SPOCK3: variants seen among roughly 807,000 people sequenced by gnomAD.
SPOCK3 encodes the protein testican-3.
Under a neutral mutation model 56.6 loss-of-function variants are expected in SPOCK3, and 30 were observed. The observed-to-expected ratio is 0.53, with a 90% CI of 0.40 to 0.72. The LOEUF is 0.72. SPOCK3 is among the 30% of genes least tolerant of loss of function. The probability of loss-of-function intolerance (pLI) is 0.00; values close to 1 mark genes in which losing one functional copy is unlikely to be tolerated. For synonymous variants in SPOCK3, 196 were observed against 183.3 expected, an observed-to-expected ratio of 1.07 and a Z score of -0.56; for missense variants, 527 against 530.0, an observed-to-expected ratio of 0.99 and a Z score of 0.06.
intron 3 of SPOCK3, among the ~76,000 whole-genome samples, chr4:167,044,700 A>G (rs1753558388): frequency 6.6e-6 from 1 of 152,042 alleles, no homozygotes; most frequent in Non-Finnish European, 1.5e-5. Flanking sequence ...ATGTTGCTTA[A>G]TCAACACATA....
At chr4:167,011,099 G>GA (rs371566562) in intron 3 of SPOCK3, 536 of 242,856 alleles carry the variant, frequency 2.2e-3, no homozygotes, top group South Asian at 4.8e-3. Context: ...TGGTGAAACA[G>GA]AAAAAAAAAG....
chr4:167,043,180 A>G (rs1753386984), intron 3 of SPOCK3, among the ~76,000 whole-genome samples: 1 of 151,986 alleles, frequency 6.6e-6, no homozygotes, highest in Non-Finnish European at 1.5e-5. Context: ...CTTTTCTTAT[A>G]GAAAGCTTGT....
intron 6 of SPOCK3, among the ~76,000 whole-genome samples, chr4:166,885,930 T>C (rs942162272): frequency 1.3e-5 from 2 of 152,290 alleles, no homozygotes; most frequent in South Asian, 2.1e-4. Context: ...ATGTGTCATA[T>C]GTCTAAAGTT....
At chr4:166,793,169 A>G (rs1343263157) in intron 6 of SPOCK3, among the ~76,000 whole-genome samples, 1 of 152,196 alleles carries the variant, frequency 6.6e-6, no homozygotes, top group Non-Finnish European at 1.5e-5. Flanking sequence ...AATTTCCTCA[A>G]CTAACAAGTA....
At chr4:166,876,858 T>C in intron 6 of SPOCK3, among the ~76,000 whole-genome samples, 1 of 152,050 alleles carries the variant, frequency 6.6e-6, no homozygotes. Context: ...TTTTCTGAAC[T>C]TGATGAAACA....
chr4:167,157,387 C>T (rs1269732276), intron 2 of SPOCK3, among the ~76,000 whole-genome samples: 1 of 151,830 alleles, frequency 6.6e-6, no homozygotes, highest in Non-Finnish European at 1.5e-5. Context: ...AAATGTTACT[C>T]ATGCAAAGCA....
chr4:166,942,471 TAAA>T (rs5863849), intron 4 of SPOCK3, among the ~76,000 whole-genome samples: 1 of 121,942 alleles, frequency 8.2e-6, no homozygotes, highest in Non-Finnish European at 1.7e-5. Context: ...GGCCTCCACT[TAAA>T]AAAAAAAAAA....
At chr4:166,881,847 A>G (rs141227798) in intron 6 of SPOCK3, among the ~76,000 whole-genome samples, 7 of 152,282 alleles carry the variant, frequency 4.6e-5, no homozygotes, top group African/African-American at 1.4e-4. Flanking sequence ...GAAGATCTAA[A>G]TACAAATCAA....
At position 166,978,411 on chromosome 4, in the gene SPOCK3, T is replaced by C. The variant is rs146198952; in HGVS notation, c.350+21938A>G. 4.9e-3 allele frequency among the ~76,000 whole-genome samples: 753 copies of C among 152,182 alleles called. 7 individuals are homozygous for C. The highest frequency in any genetic ancestry group is 0.015 in the African/African-American group (643 of 41,520). The stretch of plus-strand genomic sequence containing the variant: ...ATAAAAGAACTTGAACAAGATGGTA[T>C]TGGGAACAGTACAAGATCTCTATTG... On this transcript the variant is annotated intron_variant, in intron 4 of 10. Coordinates refer to ENST00000357545, the MANE Select transcript of SPOCK3 (RefSeq NM_001040159.2).
intron 2 of SPOCK3, among the ~76,000 whole-genome samples, chr4:167,152,800 T>C (rs1366544131): frequency 2.0e-5 from 3 of 152,182 alleles, no homozygotes; most frequent in Non-Finnish European, 4.4e-5. Flanking sequence ...TATCTTAATA[T>C]ATTGACCAGA....
At chr4:167,173,976 G>A (rs1730736125) in intron 2 of SPOCK3, among the ~76,000 whole-genome samples, 1 of 152,106 alleles carries the variant, frequency 6.6e-6, no homozygotes, top group South Asian at 2.1e-4. Context: ...AATAGCTAGA[G>A]CAAAGGTAAC....
chr4:167,108,417 A>G (rs1760367932), intron 2 of SPOCK3, among the ~76,000 whole-genome samples: 1 of 151,994 alleles, frequency 6.6e-6, no homozygotes, highest in Non-Finnish European at 1.5e-5. Context: ...GTGTACATCA[A>G]CAGATGAATG....
intron 2 of SPOCK3, among the ~76,000 whole-genome samples, chr4:167,171,874 A>T (rs1164806720): frequency 6.6e-6 from 1 of 152,126 alleles, no homozygotes; most frequent in Admixed American, 6.6e-5. Context: ...AAATTTAAAA[A>T]AAAAGAAAAG....
intron 6 of SPOCK3, among the ~76,000 whole-genome samples, chr4:166,843,288 G>A (rs960404100): frequency 3.9e-5 from 6 of 152,234 alleles, no homozygotes; most frequent in Non-Finnish European, 5.9e-5. Flanking sequence ...AGCGGACGCC[G>A]AGGCAGAGGA....
chr4:166,890,170 C>G (rs986854192), intron 5 of SPOCK3, among the ~76,000 whole-genome samples: 4 of 152,016 alleles, frequency 2.6e-5, no homozygotes, highest in Middle Eastern at 3.4e-3. Context: ...TGTATGACCA[C>G]AGGATTGAAA....
chr4:166,857,506 G>T (rs1231888013), intron 6 of SPOCK3, among the ~76,000 whole-genome samples: 1 of 152,178 alleles, frequency 6.6e-6, no homozygotes, highest in African/African-American at 2.4e-5. Context: ...CATCCATTAT[G>T]GAGGTCCCAG....
intron 2 of SPOCK3, among the ~76,000 whole-genome samples, chr4:167,094,312 T>C (rs1357237294): frequency 3.3e-5 from 5 of 152,112 alleles, no homozygotes; most frequent in Non-Finnish European, 7.4e-5. Flanking sequence ...TTGAGCTCTT[T>C]TCATTGTATT....
At chr4:167,151,219 C>A (rs935809127) in intron 2 of SPOCK3, among the ~76,000 whole-genome samples, 1 of 152,050 alleles carries the variant, frequency 6.6e-6, no homozygotes, top group Non-Finnish European at 1.5e-5. Context: ...GTGATTGCAA[C>A]GCGTAGTCGA....
intron 6 of SPOCK3, among the ~76,000 whole-genome samples, chr4:166,864,908 A>G (rs1731635212): frequency 6.6e-6 from 1 of 152,188 alleles, no homozygotes; most frequent in African/African-American, 2.4e-5. Context: ...AAAGAAAAAG[A>G]GGGAGCCCTC....
Sources: gnomAD v4.1 joint callset for allele counts (sites outside exome capture counted in the v4.1 genomes callset) on GRCh38, gnomAD v4.1.1 for gene constraint, MANE v1.5 for transcripts, NCBI Gene and HGNC (gene_info 2026-07-23, HGNC 2026-07-21) for gene names.